SLC24A2: variants seen among roughly 807,000 people sequenced by gnomAD.
SLC24A2 encodes the protein solute carrier family 24 member 2, also known as sodium/potassium/calcium exchanger 2.
SLC24A2 carries 36 observed loss-of-function variants against 62.0 expected under a neutral mutation model. The observed-to-expected ratio is 0.58, with a 90% CI of 0.44 to 0.77. The LOEUF (loss-of-function observed/expected upper bound fraction) is 0.77, where lower values mean the gene tolerates loss of function less well. Among genes scored for constraint, SLC24A2 ranks in the 30% least tolerant of loss-of-function variants. The probability of loss-of-function intolerance (pLI) is 0.00; values close to 1 mark genes in which losing one functional copy is unlikely to be tolerated. For synonymous variants in SLC24A2, 358 were observed against 294.0 expected (o/e 1.22, Z -2.23); for missense variants, 846 against 817.9 (o/e 1.03, Z -0.42).
chr9:20,002,791 C>T, the SLC24A2 span, among the ~76,000 whole-genome samples: 1 of 152,212 alleles, frequency 6.6e-6, no homozygotes, highest in Non-Finnish European at 1.5e-5. Context: ...TTGCCCACTG[C>T]CCATGTCTGG....
chr9:20,104,620 A>T, the SLC24A2 span, among the ~76,000 whole-genome samples: 2 of 152,182 alleles, frequency 1.3e-5, no homozygotes, highest in Admixed American at 1.3e-4. Context: ...GTGAAGGAGA[A>T]ATAAAATACT....
the SLC24A2 span, among the ~76,000 whole-genome samples, chr9:20,018,480 C>A: frequency 6.6e-6 from 1 of 152,190 alleles, no homozygotes; most frequent in African/African-American, 2.4e-5. Flanking sequence ...TTCTCCACCT[C>A]CCATGCTGTT....
the SLC24A2 span, among the ~76,000 whole-genome samples, chr9:20,223,334 A>T: frequency 6.6e-6 from 1 of 152,156 alleles, no homozygotes; most frequent in Admixed American, 6.6e-5. Flanking sequence ...TTGATATATA[A>T]ATTCATTTTC....
chr9:20,038,631 AC>A, the SLC24A2 span, among the ~76,000 whole-genome samples: 19,256 of 141,972 alleles, frequency 0.14, 1,756 homozygotes, highest in African/African-American at 0.21. Flanking sequence ...AAAGAAACAA[AC>A]AAAAAAAAAA....
the SLC24A2 span, among the ~76,000 whole-genome samples, chr9:20,054,348 C>T: frequency 6.6e-6 from 1 of 152,158 alleles, no homozygotes; most frequent in African/African-American, 2.4e-5. Flanking sequence ...CCCGCCACCA[C>T]ACCTAGCTAA....
chr9:20,044,433 G>A, the SLC24A2 span, among the ~76,000 whole-genome samples: 16,115 of 152,098 alleles, frequency 0.11, 860 homozygotes, highest in East Asian at 0.17. Context: ...CACCATGAAC[G>A]CATGGGGAGG....
At chr9:20,276,388 C>T in the SLC24A2 span, among the ~76,000 whole-genome samples, 16 of 152,354 alleles carry the variant, frequency 1.1e-4, no homozygotes, top group South Asian at 2.1e-4. Context: ...CTCCATGTCT[C>T]GCATCTTGGT....
the SLC24A2 span, among the ~76,000 whole-genome samples, chr9:19,978,279 A>G: frequency 6.6e-6 from 1 of 152,206 alleles, no homozygotes; most frequent in African/African-American, 2.4e-5. Context: ...CATCTTTAGC[A>G]AAAGGACAGA....
intron 2 of SLC24A2, among the ~76,000 whole-genome samples, chr9:19,759,848 C>T (rs1822264795): frequency 6.6e-6 from 1 of 152,102 alleles, no homozygotes; most frequent in African/African-American, 2.4e-5. Context: ...AGTGAACCAC[C>T]CTTGAGGCCC....
chr9:20,240,935 A>T, the SLC24A2 span, among the ~76,000 whole-genome samples: 2 of 152,212 alleles, frequency 1.3e-5, no homozygotes, highest in African/African-American at 2.4e-5. Flanking sequence ...ATTCTCTACC[A>T]CACGCAGATG....
intron 7 of SLC24A2, among the ~76,000 whole-genome samples, chr9:19,562,679 A>C (rs1835463119): frequency 6.6e-6 from 1 of 152,200 alleles, no homozygotes; most frequent in Admixed American, 6.5e-5. Context: ...AATGGAACCC[A>C]TGTGCCAAGG....
intron 2 of SLC24A2, among the ~76,000 whole-genome samples, chr9:19,645,225 T>A (rs1474851380): frequency 6.6e-6 from 1 of 152,250 alleles, no homozygotes; most frequent in Non-Finnish European, 1.5e-5. Flanking sequence ...CCAGTATGAA[T>A]ATAATCTATA....
the SLC24A2 span, among the ~76,000 whole-genome samples, chr9:19,945,375 C>A: frequency 6.6e-6 from 1 of 152,070 alleles, no homozygotes; most frequent in Non-Finnish European, 1.5e-5. Flanking sequence ...CACAGCACGC[C>A]TGTGGAAATG....
At chr9:20,148,641 A>G in the SLC24A2 span, among the ~76,000 whole-genome samples, 1 of 152,132 alleles carries the variant, frequency 6.6e-6, no homozygotes, top group Non-Finnish European at 1.5e-5. Flanking sequence ...ATGGATTTTG[A>G]CCTCAGTTGG....
At chr9:20,257,630 C>T in the SLC24A2 span, among the ~76,000 whole-genome samples, 1 of 152,206 alleles carries the variant, frequency 6.6e-6, no homozygotes, top group Non-Finnish European at 1.5e-5. Flanking sequence ...AATCCCAGAT[C>T]TGCCGGTTAC....
At chr9:19,740,391 G>C (rs542447663) in intron 2 of SLC24A2, among the ~76,000 whole-genome samples, 35 of 152,240 alleles carry the variant, frequency 2.3e-4, no homozygotes, top group Admixed American at 1.1e-3. Flanking sequence ...AAATACTATA[G>C]AGCAATAAAA....
At chr9:19,704,958 G>A (rs1169349563) in intron 2 of SLC24A2, among the ~76,000 whole-genome samples, 1 of 152,158 alleles carries the variant, frequency 6.6e-6, no homozygotes, top group Non-Finnish European at 1.5e-5. Flanking sequence ...GAATATTCCA[G>A]CAATGTCACT....
At chr9:20,043,165 G>A in the SLC24A2 span, among the ~76,000 whole-genome samples, 1 of 152,126 alleles carries the variant, frequency 6.6e-6, no homozygotes, top group Non-Finnish European at 1.5e-5. Context: ...CCAAAAGCTA[G>A]GGCTCTTGCA....
intron 2 of SLC24A2, among the ~76,000 whole-genome samples, chr9:19,655,903 G>A (rs1418299577): frequency 5.3e-5 from 8 of 152,106 alleles, no homozygotes; most frequent in Non-Finnish European, 7.4e-5. Flanking sequence ...AGGGCACCGT[G>A]GCTTGACAAT....
Sources: gnomAD v4.1 joint callset for allele counts (sites outside exome capture counted in the v4.1 genomes callset) on GRCh38, gnomAD v4.1.1 for gene constraint, MANE v1.5 for transcripts, NCBI Gene and HGNC (gene_info 2026-07-23, HGNC 2026-07-21) for gene names.